Variants in CSMD1 observed in about 807,000 individuals in gnomAD.
CSMD1 encodes the protein CUB and Sushi multiple domains 1.
In CSMD1, 213 loss-of-function variants were observed where a neutral mutation model predicts 417.5. The observed-to-expected ratio is 0.51, with a 90% confidence interval of 0.46 to 0.57. The LOEUF (loss-of-function observed/expected upper bound fraction) is 0.57. CSMD1 is among the 20% of genes least tolerant of loss of function. CSMD1 has a pLI of 0.00. For missense variants in CSMD1, 6,923 were observed against 4,529.7 expected (o/e 1.53, Z -15.17); for synonymous variants, 2,862 against 1,736.8 (o/e 1.65, Z -16.11).
chr8:3,241,242 T>G (rs1343586974), intron 26 of CSMD1, among the ~76,000 whole-genome samples: 1 of 149,970 alleles, frequency 6.7e-6, no homozygotes, highest in Non-Finnish European at 1.5e-5. Context: ...TAAAAGAGTA[T>G]TGTCTAAGCT....
chr8:3,554,235 G>A (rs1392351592), intron 10 of CSMD1, among the ~76,000 whole-genome samples: 3 of 152,242 alleles, frequency 2.0e-5, no homozygotes, highest in Non-Finnish European at 4.4e-5. Flanking sequence ...TATAAGAACA[G>A]TGAAAAGACA....
At chr8:4,133,977 G>C (rs1039536298) in intron 3 of CSMD1, among the ~76,000 whole-genome samples, 2 of 151,754 alleles carry the variant, frequency 1.3e-5, no homozygotes, top group East Asian at 1.9e-4. Flanking sequence ...TTTAAACTTC[G>C]GTTTTCTTAT....
At chr8:4,885,151 G>C (rs1049307885) in intron 1 of CSMD1, among the ~76,000 whole-genome samples, 6 of 152,128 alleles carry the variant, frequency 3.9e-5, no homozygotes, top group African/African-American at 1.4e-4. Context: ...CAAGTATATA[G>C]AATTACAATT....
chr8:3,577,185 C>T (rs1191386899), intron 9 of CSMD1, among the ~76,000 whole-genome samples: 1 of 152,096 alleles, frequency 6.6e-6, no homozygotes, highest in African/African-American at 2.4e-5. Flanking sequence ...TGAAGCTGGC[C>T]CCTCACTTGG....
chr8:3,068,562 G>T (rs1813103680), intron 49 of CSMD1, among the ~76,000 whole-genome samples: 1 of 151,804 alleles, frequency 6.6e-6, no homozygotes, highest in Non-Finnish European at 1.5e-5. Flanking sequence ...CATTTAGTTG[G>T]CTCATGTTTC....
intron 5 of CSMD1, among the ~76,000 whole-genome samples, chr8:3,775,508 T>C (rs1047962063): frequency 1.3e-5 from 2 of 152,158 alleles, no homozygotes; most frequent in African/African-American, 4.8e-5. Flanking sequence ...GAATAACATT[T>C]CCAATAGGAT....
intron 1 of CSMD1, among the ~76,000 whole-genome samples, chr8:4,802,133 C>T (rs977737263): frequency 2.6e-5 from 4 of 152,176 alleles, no homozygotes; most frequent in African/African-American, 7.2e-5. Context: ...CTGGAGGGAT[C>T]TCAAAATCGA....
intron 1 of CSMD1, among the ~76,000 whole-genome samples, chr8:4,643,792 T>A (rs1261069764): frequency 6.6e-6 from 1 of 152,202 alleles, no homozygotes; most frequent in East Asian, 1.9e-4. Context: ...GGGAAAATAA[T>A]TAATTGTGGA....
At chr8:4,973,077 A>T (rs1032280610) in intron 1 of CSMD1, among the ~76,000 whole-genome samples, 1 of 152,216 alleles carries the variant, frequency 6.6e-6, no homozygotes, top group Admixed American at 6.5e-5. Flanking sequence ...CAATTATAAG[A>T]GTGCTTGGGC....
chr8:3,704,376 C>G (rs199862698), intron 7 of CSMD1, among the ~76,000 whole-genome samples: 2 of 152,260 alleles, frequency 1.3e-5, no homozygotes, highest in East Asian at 3.9e-4. Context: ...CATAGGAACT[C>G]ACACAGGGAG....
intron 1 of CSMD1, among the ~76,000 whole-genome samples, chr8:4,904,740 T>TA (rs951231582): frequency 1.7e-4 from 26 of 152,108 alleles, no homozygotes; most frequent in South Asian, 4.2e-4. Flanking sequence ...AAAGCAAAAT[T>TA]AAAAAAACAA....
chr8:3,679,620 G>T (rs1180472115), intron 7 of CSMD1, among the ~76,000 whole-genome samples: 1 of 152,106 alleles, frequency 6.6e-6, no homozygotes, highest in Non-Finnish European at 1.5e-5. Flanking sequence ...ACATCAGACA[G>T]ATCAACAAGA....
intron 3 of CSMD1, among the ~76,000 whole-genome samples, chr8:4,263,211 G>T (rs144218634): frequency 6.6e-6 from 1 of 151,704 alleles, no homozygotes; most frequent in East Asian, 2.0e-4. Flanking sequence ...GTATTCGAGG[G>T]CTAAAGGCTA....
intron 12 of CSMD1, among the ~76,000 whole-genome samples, chr8:3,452,653 C>T (rs1481221830): frequency 1.3e-5 from 2 of 152,126 alleles, no homozygotes; most frequent in East Asian, 1.9e-4. Context: ...AGCCTTGCAT[C>T]CCAGGGATGA....
chr8:3,904,369 C>G (rs567197955), intron 5 of CSMD1, among the ~76,000 whole-genome samples: 1 of 152,250 alleles, frequency 6.6e-6, no homozygotes, highest in East Asian at 1.9e-4. Flanking sequence ...CACACTAACT[C>G]TTTATTGCAA....
intron 5 of CSMD1, among the ~76,000 whole-genome samples, chr8:3,841,005 C>G (rs763125419): frequency 6.6e-6 from 1 of 152,134 alleles, no homozygotes; most frequent in East Asian, 1.9e-4. Flanking sequence ...CTGCAGCTGT[C>G]CGGTGATCTC....
chr8:4,199,785 T>G (rs1162546334), intron 3 of CSMD1, among the ~76,000 whole-genome samples: 1 of 152,264 alleles, frequency 6.6e-6, no homozygotes, highest in Non-Finnish European at 1.5e-5. Context: ...TAACATGCTG[T>G]TTAGATAGAA....
chr8:4,607,568 A>G (rs1800943071), intron 2 of CSMD1, among the ~76,000 whole-genome samples: 1 of 152,184 alleles, frequency 6.6e-6, no homozygotes, highest in Non-Finnish European at 1.5e-5. Context: ...GGACCTCATT[A>G]AATGCTCATT....
At chr8:3,079,930 T>C (rs1813962469) in intron 49 of CSMD1, among the ~76,000 whole-genome samples, 1 of 152,214 alleles carries the variant, frequency 6.6e-6, no homozygotes, top group African/African-American at 2.4e-5. Context: ...ACCAGTTCCG[T>C]CCTTGGCCAT....
Sources: allele counts gnomAD v4.1 joint callset (sites outside exome capture counted in the v4.1 genomes callset), GRCh38; gene constraint gnomAD v4.1.1; transcripts MANE v1.5; gene names NCBI Gene and HGNC (gene_info 2026-07-23, HGNC 2026-07-21).